Variants in ZNF331 observed in about 807,000 individuals in gnomAD.
ZNF331 encodes the protein zinc finger protein 331, also known as C2H2-like zinc finger protein rearranged in thyroid adenomas.
ZNF331 carries 2 observed loss-of-function variants against 7.0 expected under a neutral mutation model. That is an observed-to-expected ratio of 0.29 (90% CI 0.12 to 0.90). The LOEUF is 0.90. ZNF331 is among the 40% of genes least tolerant of loss of function. The probability of loss-of-function intolerance (pLI) is 0.58; values close to 1 mark genes in which losing one functional copy is unlikely to be tolerated. For synonymous variants in ZNF331, 196 were observed against 205.4 expected (o/e 0.95, Z 0.39); for missense variants, 432 against 587.7 (o/e 0.74, Z 2.74).
the ZNF331 span, among the ~76,000 whole-genome samples, chr19:53,510,968 A>C: frequency 1.3e-5 from 2 of 152,136 alleles, no homozygotes. Context: ...TCTCATATAT[A>C]TGTAAATACC....
At chr19:53,564,336 G>C (rs947243136) in intron 3 of ZNF331, among the ~76,000 whole-genome samples, 4 of 152,006 alleles carry the variant, frequency 2.6e-5, no homozygotes, top group African/African-American at 9.7e-5. Context: ...CTGGAGTACA[G>C]TAGTGCGATC....
chr19:53,534,916 A>G (rs1847470729), upstream of ZNF331, among the ~76,000 whole-genome samples: 1 of 149,740 alleles, frequency 6.7e-6, no homozygotes, highest in East Asian at 2.0e-4. Flanking sequence ...GAATGTACCC[A>G]CTCCCCTATA....
At chr19:53,514,627 C>T (rs1226503422), upstream of ZNF331, among the ~76,000 whole-genome samples, 7 of 151,020 alleles carry the variant, frequency 4.6e-5, no homozygotes, top group Non-Finnish European at 1.0e-4. Context: ...GGCATAGTTG[C>T]TTTTCTTTTT....
chr19:53,576,853 G>T lies in ZNF331; in HGVS notation c.293G>T (p.Arg98Met). Residue 98 changes from arginine to methionine, a missense_variant, in exon 6 of 6, where the codon AGG becomes ATG. Coordinates refer to ENST00000449416, the MANE Select transcript of ZNF331 (RefSeq NM_001079906.2). Reference protein sequence around the residue: ...TLERPQRSRGRYVNQMIINYV... With the variant: ...TLERPQRSRGMYVNQMIINYV... ...GAAAGACCACAGCGCTCCAGAGGGAGGTATGTCAATCAGATGATCATCAAT... is the reference window on the plus strand; with the variant it reads ...GAAAGACCACAGCGCTCCAGAGGGATGTATGTCAATCAGATGATCATCAAT... The T allele has an allele frequency of 6.2e-7, 1 of 1,614,072 alleles. No homozygotes were observed. The highest frequency in any genetic ancestry group is 1.1e-5 in the South Asian group (1 of 91,086).
upstream of ZNF331, among the ~76,000 whole-genome samples, chr19:53,518,617 T>C (rs1284522): frequency 0.25 from 38,372 of 152,230 alleles, 6,072 homozygotes; most frequent in African/African-American, 0.44. Flanking sequence ...TCAGTCAATA[T>C]TGCAAACCAT....
chr19:53,506,211 T>TA, the ZNF331 span, among the ~76,000 whole-genome samples: 1 of 133,972 alleles, frequency 7.5e-6, no homozygotes, highest in Non-Finnish European at 1.6e-5. Flanking sequence ...GGCGGGCGCC[T>TA]GTAATCCCAG....
chr19:53,557,898 T>C (rs567016000), intron 3 of ZNF331, among the ~76,000 whole-genome samples: 2 of 152,138 alleles, frequency 1.3e-5, no homozygotes, highest in Non-Finnish European at 2.9e-5. Context: ...TGGGAGGCTG[T>C]GAACCTGTGA....
At position 53,573,666 on chromosome 19, in the gene ZNF331, G is replaced by A. The variant is rs1019425494; in HGVS notation, c.136+1936G>A. 1.3e-5 allele frequency among the ~76,000 whole-genome samples: 2 copies of A among 151,828 alleles called. No homozygotes were observed. Among genetic ancestry groups the A allele is most frequent in the African/African-American group, 2.4e-5 (1 of 41,332 alleles). ...TGTTTTTTCTTAGAGATGGGATTTC[G>A]CCATGTTGTCCAAGCTGATCTTGAA... On this transcript the variant is annotated intron_variant, in intron 5 of 5. Transcript: ENST00000449416. The surrounding 1 kb of genome is among the most constrained non-coding windows in gnomAD (Gnocchi z 4.2).
At chr19:53,534,165 T>G (rs1006313181), upstream of ZNF331, among the ~76,000 whole-genome samples, 1 of 152,220 alleles carries the variant, frequency 6.6e-6, no homozygotes, top group East Asian at 1.9e-4. Context: ...AAGTCTAAAG[T>G]GGGTCTCACT....
At chr19:53,541,793 G>C (rs998383113) in intron 2 of ZNF331, among the ~76,000 whole-genome samples, 1 of 152,116 alleles carries the variant, frequency 6.6e-6, no homozygotes, top group Non-Finnish European at 1.5e-5. Context: ...GATCACTTGA[G>C]GCCAGGAGTC....
At chr19:53,557,367 C>T (rs536685990) in intron 3 of ZNF331, among the ~76,000 whole-genome samples, 26 of 152,300 alleles carry the variant, frequency 1.7e-4, no homozygotes, top group African/African-American at 6.3e-4. Flanking sequence ...CGACCACCCT[C>T]GTGCCATGGC....
At chr19:53,561,119 C>A (rs1341017291) in intron 3 of ZNF331, among the ~76,000 whole-genome samples, 1 of 152,122 alleles carries the variant, frequency 6.6e-6, no homozygotes, top group Admixed American at 6.6e-5. Flanking sequence ...GTTCACACCA[C>A]TGTACTCCAG....
chr19:53,575,499 C>CTTTTTTTTTTTTTTTTT (rs34296898), intron 5 of ZNF331, among the ~76,000 whole-genome samples: 1 of 75,870 alleles, frequency 1.3e-5, no homozygotes, highest in Non-Finnish European at 2.5e-5. Context: ...TACCCAGTTG[C>CTTTTTTTTTTTTTTTTT]TTTTTTTTTT....
At chr19:53,509,208 G>C in the ZNF331 span, among the ~76,000 whole-genome samples, 4 of 152,128 alleles carry the variant, frequency 2.6e-5, no homozygotes, top group Non-Finnish European at 5.9e-5. Flanking sequence ...TGCCCTTTCG[G>C]TACCCATCTG....
At chr19:53,565,732 T>C (rs2090122085) in intron 3 of ZNF331, among the ~76,000 whole-genome samples, 1 of 151,992 alleles carries the variant, frequency 6.6e-6, no homozygotes, top group African/African-American at 2.4e-5. Flanking sequence ...TTTCACCATG[T>C]TGGCCAGGCT....
rs1218561833 is a variant in ZNF331 at position 53,577,827 on chromosome 19, G to A, written c.1267G>A (p.Gly423Ser). 3.1e-6 allele frequency: 5 copies of A among 1,613,980 alleles called. No homozygotes were observed. The highest frequency in any genetic ancestry group is 1.1e-5 in the South Asian group (1 of 91,070). ...CTECGKSFSHGHQLTQHQKTH... is the reference protein window; with the variant it reads ...CTECGKSFSHSHQLTQHQKTH... ...AGAATGTGGGAAGAGCTTTAGTCAC[G>A]GCCATCAGCTTACACAACATCAGAA... The change falls in exon 6 of 6, where the codon GGC (glycine) becomes AGC (serine). Residue 423 changes from glycine (G) to serine (S), a missense_variant. Physicochemically the swap from Gly to Ser is moderately conservative, Grantham distance 56. This residue lies in a region of ZNF331 where 312 missense variants were observed against 448.6 expected (regional missense o/e 0.70). Coordinates refer to ENST00000449416, the MANE Select transcript of ZNF331 (RefSeq NM_001079906.2).
intron 4 of ZNF331, among the ~76,000 whole-genome samples, chr19:53,569,657 T>C (rs539875153): frequency 1.3e-5 from 2 of 152,224 alleles, no homozygotes; most frequent in Admixed American, 6.5e-5. Flanking sequence ...GAGGGAAATA[T>C]TTAAGTCAAG....
intron 3 of ZNF331, among the ~76,000 whole-genome samples, chr19:53,561,664 G>A (rs1324718636): frequency 6.6e-6 from 1 of 152,106 alleles, no homozygotes; most frequent in Non-Finnish European, 1.5e-5. Flanking sequence ...ACCAACCTGA[G>A]CAACATAGTG....
chr19:53,566,189 T>C (rs2090145954), intron 3 of ZNF331, among the ~76,000 whole-genome samples: 1 of 151,794 alleles, frequency 6.6e-6, no homozygotes, highest in Non-Finnish European at 1.5e-5. Context: ...CCCAGGGGCA[T>C]CACACCGGAT....
Sources: gnomAD v4.1 joint callset for allele counts (sites outside exome capture counted in the v4.1 genomes callset) on GRCh38, gnomAD v4.1.1 for gene constraint, gnomAD v4.1.1 regional missense constraint, Gnocchi (gnomAD v3.1) non-coding constraint, MANE v1.5 for transcripts, NCBI Gene and HGNC (gene_info 2026-07-23, HGNC 2026-07-21) for gene names.